PCM1: variants seen among roughly 807,000 people sequenced by gnomAD.
The protein encoded by PCM1 is pericentriolar material 1, also known as pericentriolar material 1 protein.
PCM1 carries 157 observed loss-of-function variants against 241.9 expected under a neutral mutation model. The observed-to-expected ratio is 0.65, with a 90% CI of 0.57 to 0.74. The LOEUF (loss-of-function observed/expected upper bound fraction) is 0.74. PCM1 is among the 30% of genes least tolerant of loss of function. The pLI, the probability that PCM1 is intolerant of heterozygous loss-of-function variation, is 0.00. For synonymous variants in PCM1, 1,085 were observed against 784.9 expected (o/e 1.38, Z -6.39); for missense variants, 3,478 against 2,360.1 (o/e 1.47, Z -9.81).
At chr8:18,018,000 TAC>T (rs1387989910) in intron 36 of PCM1, among the ~76,000 whole-genome samples, 2 of 152,228 alleles carry the variant, frequency 1.3e-5, no homozygotes, top group African/African-American at 4.8e-5. Flanking sequence ...GGGAGTCACG[TAC>T]AGTGTTGGTG....
chr8:17,977,109 A>G (rs1194744294), intron 23 of PCM1, among the ~76,000 whole-genome samples: 2 of 152,252 alleles, frequency 1.3e-5, no homozygotes, highest in Non-Finnish European at 2.9e-5. Flanking sequence ...ATAAATGTTC[A>G]TGTTAGAATA....
At chr8:17,930,403 G>A (rs1025237942) in intron 2 of PCM1, among the ~76,000 whole-genome samples, 14 of 151,744 alleles carry the variant, frequency 9.2e-5, no homozygotes, top group African/African-American at 2.4e-4. Context: ...GCGCCTGACC[G>A]TTACTGGAAT....
At chr8:17,981,241 A>G (rs1407428225) in intron 24 of PCM1, among the ~76,000 whole-genome samples, 2 of 152,142 alleles carry the variant, frequency 1.3e-5, no homozygotes, top group East Asian at 3.8e-4. Flanking sequence ...TATAGCTATC[A>G]CATTCTTTCT....
Position 17,935,697 on chromosome 8 carries a change from C to G in PCM1, c.87C>G (p.Leu29=). 1 of 1,386,346 alleles carries G rather than the reference C, an allele frequency of 7.2e-7. No homozygotes were observed. Among genetic ancestry groups the G allele is most frequent in the African/African-American group, 1.4e-5 (1 of 70,554 alleles). The allele number at this position is 1,386,346 out of a possible 1,614,324, so 85.9% of individuals were successfully genotyped here. ...NWSNENVDDR[L]NNMDWGAQQK... The stretch of plus-strand genomic sequence containing the variant: ...GTAATGAGAATGTTGATGACAGGCT[C>G]AACAATATGGTATGATTCCTTACTC... Residue 29 remains leucine (L), a synonymous_variant, in exon 3 of 39, where the codon CTC becomes CTG. Coordinates refer to ENST00000325083, the MANE Select transcript of PCM1 (RefSeq NM_006197.4).
intron 6 of PCM1, among the ~76,000 whole-genome samples, chr8:17,941,312 A>G (rs938201876): frequency 2.6e-5 from 4 of 152,198 alleles, no homozygotes; most frequent in African/African-American, 9.7e-5. Context: ...ATTCATTGTG[A>G]TGGCAATTTC....
intron 2 of PCM1, chr8:17,926,259 T>A (rs1188158204): frequency 6.6e-6 from 1 of 152,152 alleles, no homozygotes; most frequent in Non-Finnish European, 1.5e-5. Context: ...GTTTTTTCAA[T>A]AGGAGATTTG....
At chr8:17,926,342 C>G (rs187345139) in intron 2 of PCM1, 163 of 152,186 alleles carry the variant, frequency 1.1e-3, no homozygotes, top group African/African-American at 3.7e-3. Context: ...ATTCACAGTA[C>G]AGAACTAAGA....
Position 18,025,571 on chromosome 8 carries a change from G to A in PCM1, c.5962G>A (p.Glu1988Lys). 1 of 1,582,346 alleles carries A rather than the reference G, an allele frequency of 6.3e-7. No individual in the cohort carries two copies. The highest frequency in any genetic ancestry group is 8.6e-7 in the Non-Finnish European group (1 of 1,164,226). The change falls in exon 38 of 39, where the codon GAA becomes AAA. Residue 1988 changes from glutamate to lysine, a missense_variant. By Grantham distance (56) the Glu-to-Lys change is moderately conservative. Transcript: ENST00000325083. Reference protein sequence around the residue: ...EADLRKKMVEEEQKNHLSGEI... With the variant: ...EADLRKKMVEKEQKNHLSGEI... ...AGATCTAAGAAAGAAAATGGTAGAA[G>A]AAGAACAGAAAAACCATTTATCTGG... is the stretch of plus-strand genomic sequence containing the variant.
At chr8:17,970,909 A>T (rs533269089) in intron 22 of PCM1, among the ~76,000 whole-genome samples, 1 of 152,312 alleles carries the variant, frequency 6.6e-6, no homozygotes, top group South Asian at 2.1e-4. Context: ...AGAGATAAAA[A>T]GTCAGATAAA....
intron 17 of PCM1, 101 bp downstream of exon 17, chr8:17,963,392 C>T: frequency 1.3e-6 from 1 of 770,672 alleles, no homozygotes. Context: ...CAGCACAAAT[C>T]TGCTATTTCA....
chr8:17,987,359 TA>T (rs1364162468), intron 26 of PCM1, among the ~76,000 whole-genome samples: 1 of 151,820 alleles, frequency 6.6e-6, no homozygotes, highest in Non-Finnish European at 1.5e-5. Flanking sequence ...TATTTTTCAA[TA>T]ATTTTATATC....
intron 1 of PCM1, among the ~76,000 whole-genome samples, chr8:17,923,914 T>G (rs1055669499): frequency 4.6e-5 from 7 of 152,102 alleles, no homozygotes; most frequent in Non-Finnish European, 7.4e-5. Flanking sequence ...GTTTGGGGAT[T>G]AGGCCCCGCC....
At chr8:17,949,584 G>T (rs1354345323) in intron 7 of PCM1, among the ~76,000 whole-genome samples, 1 of 150,076 alleles carries the variant, frequency 6.7e-6, no homozygotes, top group African/African-American at 2.5e-5. Flanking sequence ...TGCAGCCTCT[G>T]CCTCGCAGGT....
intron 3 of PCM1, 89 bp from the exon 4 acceptor site, chr8:17,937,045 T>C (rs1249434597): frequency 9.6e-7 from 1 of 1,046,504 alleles, no homozygotes; most frequent in South Asian, 1.8e-5. Flanking sequence ...TTTTTTAATT[T>C]TAAAACTGAC....
At chr8:17,993,424 G>C in intron 28 of PCM1, 59 bp from the exon 29 acceptor site, 1 of 1,145,510 alleles carries the variant, frequency 8.7e-7, no homozygotes, top group Non-Finnish European at 1.2e-6. Context: ...CAACATAAAG[G>C]CATATATGTA....
rs2094377340 is a variant in PCM1 at position 18,028,717 on chromosome 8, A to G, written c.*1055A>G. On this transcript the variant is annotated 3_prime_UTR_variant, in exon 39 of 39. Coordinates refer to ENST00000325083, the MANE Select transcript of PCM1 (RefSeq NM_006197.4). ...ATACCCAGTAAGGCTTCAAAAAACC[A>G]GTCAACAATGAGTAAGTCAATCTTA... 9.9e-6 allele frequency: 2 copies of G among 201,330 alleles called. No homozygotes were observed. The highest frequency in any genetic ancestry group is 1.6e-3 in the Middle Eastern group (1 of 634). The allele number at this position is 201,330 out of a possible 1,614,324, so 12.5% of individuals were successfully genotyped here.
chr8:17,997,535 C>G (rs766994248), intron 29 of PCM1, among the ~76,000 whole-genome samples: 1 of 151,356 alleles, frequency 6.6e-6, no homozygotes, highest in Admixed American at 6.6e-5. Flanking sequence ...TTGTGTTTTA[C>G]TTTTTTTTTC....
At position 17,955,473 on chromosome 8, in the gene PCM1, C is replaced by T. The variant is rs1013485445; in HGVS notation, c.1292C>T (p.Ser431Phe). The part of the protein sequence containing the change: ...RDQHLNNSSS[S>F]PQRSVDQRST... ...TTTGTTGTTGTGCCTTCTTCAGCCT[C>T]TCCACAAAGGAGTGTCGATCAGAGA... is the stretch of plus-strand genomic sequence containing the variant. Residue 431 changes from serine (S) to phenylalanine (F), a missense_variant, in exon 10 of 39, where the codon TCT (serine) becomes TTT (phenylalanine). By Grantham distance (155) the Ser-to-Phe change is radical. Transcript: ENST00000325083. 3.2e-6 allele frequency: 5 copies of T among 1,585,410 alleles called. No homozygotes were observed. The highest frequency in any genetic ancestry group is 2.7e-5 in the African/African-American group (2 of 73,762).
intron 27 of PCM1, among the ~76,000 whole-genome samples, chr8:17,990,342 C>G (rs377288782): frequency 6.6e-6 from 1 of 151,876 alleles, no homozygotes; most frequent in Admixed American, 6.6e-5. Context: ...CAATTCAGGC[C>G]TCATCTAATC....
Sources: gnomAD v4.1 joint callset for allele counts (sites outside exome capture counted in the v4.1 genomes callset) on GRCh38, gnomAD v4.1.1 for gene constraint, MANE v1.5 for transcripts, NCBI Gene and HGNC (gene_info 2026-07-23, HGNC 2026-07-21) for gene names.